The following PRMT8 variants were observed in gnomAD, a reference collection of about 807,000 sequenced individuals.
PRMT8 encodes the protein protein arginine N-methyltransferase 8.
Under a neutral mutation model 47.1 loss-of-function variants are expected in PRMT8, and 7 were observed. That is an observed-to-expected ratio of 0.15 (90% CI 0.08 to 0.28). The LOEUF is 0.28. Ranked by LOEUF, PRMT8 falls within the 10% of genes least tolerant of loss-of-function variation. The pLI, the probability that PRMT8 is intolerant of heterozygous loss-of-function variation, is 1.00. For missense variants in PRMT8, 237 were observed against 505.4 expected (o/e 0.47, Z 5.09); for synonymous variants, 188 against 186.5 (o/e 1.01, Z -0.07).
At chr12:3,534,254 T>A (rs1866082081) in intron 1 of PRMT8, among the ~76,000 whole-genome samples, 1 of 152,242 alleles carries the variant, frequency 6.6e-6, no homozygotes, top group Non-Finnish European at 1.5e-5. Flanking sequence ...ATTTGGCTCC[T>A]CTAGTGGAGC....
chr12:3,523,929 A>G (rs1865917315), intron 1 of PRMT8, among the ~76,000 whole-genome samples: 3 of 152,238 alleles, frequency 2.0e-5, no homozygotes, highest in Admixed American at 2.0e-4. Flanking sequence ...ACTTGTACAC[A>G]CATCCTAAAC....
In PRMT8 at chr12:3,570,116, A is replaced by G. The variant is rs1345471628; in HGVS notation, c.712+552A>G. 6.6e-6 allele frequency among the ~76,000 whole-genome samples: 1 copy of G among 151,754 alleles called. No homozygotes were observed. Among genetic ancestry groups the G allele is most frequent in the Non-Finnish European group, 1.5e-5 (1 of 67,936 alleles). On this transcript the variant is annotated intron_variant, in intron 6 of 9. Coordinates refer to ENST00000382622, the MANE Select transcript of PRMT8 (RefSeq NM_019854.5). The surrounding 1 kb of genome is among the most constrained non-coding windows in gnomAD (Gnocchi z 5.5). ...GCTTTGAACAATCAAACGAAAGGCG[A>G]GTGTGCATGTGTGCATGAGGCAGGG... is the stretch of plus-strand genomic sequence containing the variant.
At chr12:3,412,560 C>T (rs1200234334) in intron 1 of PRMT8, among the ~76,000 whole-genome samples, 1 of 152,160 alleles carries the variant, frequency 6.6e-6, no homozygotes, top group Non-Finnish European at 1.5e-5. Flanking sequence ...TACATCTGTA[C>T]AAAATATTTT....
intron 1 of PRMT8, among the ~76,000 whole-genome samples, chr12:3,437,268 T>G (rs1177711315): frequency 6.6e-6 from 1 of 152,152 alleles, no homozygotes; most frequent in Admixed American, 6.5e-5. Context: ...AGAAAGTTTC[T>G]AGGTTAATAC....
intron 1 of PRMT8, among the ~76,000 whole-genome samples, chr12:3,413,500 T>A (rs527749880): frequency 6.6e-6 from 1 of 152,332 alleles, no homozygotes; most frequent in East Asian, 1.9e-4. Context: ...TCGATATCAC[T>A]ATCTTCCACT....
At position 3,514,961 on chromosome 12, in the gene PRMT8, T is replaced by C. The variant is rs1223045466; in HGVS notation, c.75+23261T>C. Among the ~76,000 whole-genome samples the C allele has an allele frequency of 6.6e-6, 1 of 152,212 alleles. No homozygotes were observed. The highest frequency in any genetic ancestry group is 1.9e-4 in the East Asian group (1 of 5,194). On this transcript the variant is annotated intron_variant, in intron 1 of 9. Coordinates refer to ENST00000382622, the MANE Select transcript of PRMT8 (RefSeq NM_019854.5). The surrounding 1 kb of genome is among the most constrained non-coding windows in gnomAD (Gnocchi z 5.9). ...CTAAGCTATGTTGACAAACAGAAAT[T>C]ATGGATGCCATTCATCCAGCACTTG...
At chr12:3,474,535 C>T (rs1865190871) in intron 1 of PRMT8, among the ~76,000 whole-genome samples, 1 of 152,112 alleles carries the variant, frequency 6.6e-6, no homozygotes, top group Non-Finnish European at 1.5e-5. Flanking sequence ...CTTGTCCTCC[C>T]CAGAGAAGCT....
At chr12:3,466,854 T>G (rs1199933075) in intron 1 of PRMT8, among the ~76,000 whole-genome samples, 1 of 152,190 alleles carries the variant, frequency 6.6e-6, no homozygotes, top group African/African-American at 2.4e-5. Flanking sequence ...CTTCACTTAT[T>G]GCTGTATGGA....
intron 7 of PRMT8, among the ~76,000 whole-genome samples, chr12:3,578,425 T>C (rs1010589006): frequency 2.0e-5 from 3 of 151,882 alleles, no homozygotes; most frequent in Non-Finnish European, 4.4e-5. Flanking sequence ...GGTTTGGCCA[T>C]GTTGCCCAGG....
At position 3,491,837 on chromosome 12, in the gene PRMT8, T is replaced by C. The variant is rs1474935955; in HGVS notation, c.75+137T>C. 54 of 24,100 alleles carry C rather than the reference T, an allele frequency of 2.2e-3. 1 individual carries two copies. The highest frequency in any genetic ancestry group is 3.1e-3 in the Non-Finnish European group (41 of 13,142). 1.5% of individuals were successfully genotyped at this position (24,100 alleles called of 1,614,324 possible). Reference sequence around the variant, plus strand: ...TCGCTTCTGCCGGCCTCCTCCTGTGTGTGTGTGTGTGTGTGTGTGTGTGTG... The same window carrying C: ...TCGCTTCTGCCGGCCTCCTCCTGTGCGTGTGTGTGTGTGTGTGTGTGTGTG... On this transcript the variant is annotated intron_variant, in intron 1 of 9. Coordinates refer to ENST00000382622, the MANE Select transcript of PRMT8 (RefSeq NM_019854.5).
At position 3,540,767 on chromosome 12, in the gene PRMT8, C is replaced by G. The variant is rs1210449622; in HGVS notation, c.237C>G (p.Ser79=). The G allele has an allele frequency of 6.2e-7, 1 of 1,614,048 alleles. No homozygotes were observed. The highest frequency in any genetic ancestry group is 8.5e-7 in the Non-Finnish European group (1 of 1,179,940). Residue 79 remains serine (S), a synonymous_variant, in exon 2 of 10, where the codon TCC becomes TCG. Transcript: ENST00000382622. ...EMTSRDYYFD[S]YAHFGIHEEM... ...CCTCGAGAGATTATTACTTCGACTC[C>G]TATGCCCACTTTGGGATCCACGAGG...
In PRMT8 at chr12:3,577,776, T is replaced by G. The variant is rs181589155; in HGVS notation, c.828+790T>G. On this transcript the variant is annotated intron_variant, in intron 7 of 9. Transcript: ENST00000382622. Reference sequence around the variant, plus strand: ...AATGTGACCCACGGTAGCCAAAAGATTAGACACGCCTGCTCTAAACACCTT... The same window carrying G: ...AATGTGACCCACGGTAGCCAAAAGAGTAGACACGCCTGCTCTAAACACCTT... Among the ~76,000 whole-genome samples, 701 of 152,252 alleles carry G rather than the reference T, an allele frequency of 4.6e-3. 8 individuals are homozygous for G. Among genetic ancestry groups the G allele is most frequent in the African/African-American group, 0.016 (677 of 41,528 alleles).
rs116329211 is a variant in PRMT8 at position 3,465,558 on chromosome 12, G to A, written c.49-75048G>A. ...GGGCAATTCTACTGGAAGCAGGTTT[G>A]AGCCAGATCACAAGTGGCCCTGGAT... On this transcript the variant is annotated intron_variant, in intron 1 of 9. Coordinates refer to the PRMT8 transcript ENST00000452611. 4.7e-3 allele frequency among the ~76,000 whole-genome samples: 720 copies of A among 152,202 alleles called. 6 individuals are homozygous for A. Among genetic ancestry groups the A allele is most frequent in the African/African-American group, 0.016 (667 of 41,530 alleles).
intron 1 of PRMT8, among the ~76,000 whole-genome samples, chr12:3,525,769 C>T (rs541050050): frequency 6.6e-6 from 1 of 152,248 alleles, no homozygotes; most frequent in South Asian, 2.1e-4. Context: ...CTAAGGATTG[C>T]TGATTTCGGT....
Position 3,453,390 on chromosome 12 carries a change from C to T in PRMT8, c.48+71948C>T, listed in dbSNP as rs540739480. Among the ~76,000 whole-genome samples the T allele has an allele frequency of 3.9e-5, 6 of 152,254 alleles. No individual in the cohort carries two copies. Among genetic ancestry groups the T allele is most frequent in the South Asian group, 2.1e-4 (1 of 4,820 alleles). On this transcript the variant is annotated intron_variant, in intron 1 of 9. Transcript: ENST00000452611. The surrounding 1 kb of genome is among the most constrained non-coding windows in gnomAD (Gnocchi z 4.9). Reference sequence around the variant, plus strand: ...GTTTGCACTGGTGGCTGGGTGTCGCCGTCAGCAGGTGAGGGAGCGCATGGG... The same window carrying T: ...GTTTGCACTGGTGGCTGGGTGTCGCTGTCAGCAGGTGAGGGAGCGCATGGG...
chr12:3,384,826 T>C (rs190410955), intron 1 of PRMT8, among the ~76,000 whole-genome samples: 1 of 152,044 alleles, frequency 6.6e-6, no homozygotes, highest in Admixed American at 6.6e-5. Context: ...TGGATGACAA[T>C]TTGTTGTTGT....
intron 1 of PRMT8, among the ~76,000 whole-genome samples, chr12:3,447,184 G>A (rs6489469): frequency 0.72 from 109,485 of 152,042 alleles, 40,453 homozygotes; most frequent in East Asian, 0.96. Flanking sequence ...CCTTTTTATC[G>A]AGATTCAAGA....
At chr12:3,413,291 A>G (rs1864450732) in intron 1 of PRMT8, among the ~76,000 whole-genome samples, 3 of 152,214 alleles carry the variant, frequency 2.0e-5, no homozygotes. Flanking sequence ...GCCTGCTGCC[A>G]TATAGGATGT....
chr12:3,442,695 G>A (rs150359805), intron 1 of PRMT8, among the ~76,000 whole-genome samples: 4,314 of 152,282 alleles, frequency 0.028, 87 homozygotes, highest in Middle Eastern at 0.034. Flanking sequence ...GTCTCACTCT[G>A]TCACCCAGGC....
Sources: gnomAD v4.1 joint callset for allele counts (sites outside exome capture counted in the v4.1 genomes callset) on GRCh38, gnomAD v4.1.1 for gene constraint, Gnocchi (gnomAD v3.1) non-coding constraint, MANE v1.5 for transcripts, NCBI Gene and HGNC (gene_info 2026-07-23, HGNC 2026-07-21) for gene names.